ERAP1: variants seen among roughly 807,000 people sequenced by gnomAD.
ERAP1 encodes adipocyte-derived leucine aminopeptidase.
ERAP1 carries 86 observed loss-of-function variants against 103.7 expected under a neutral mutation model. That is an observed-to-expected ratio of 0.83 (90% CI 0.70 to 0.99). The LOEUF is 0.99. ERAP1 is among the 50% of genes least tolerant of loss of function. The pLI, the probability that ERAP1 is intolerant of heterozygous loss-of-function variation, is 0.00. For missense variants in ERAP1, 1,009 were observed against 1,128.4 expected (o/e 0.89, Z 1.52); for synonymous variants, 398 against 402.4 (o/e 0.99, Z 0.13).
rs778178735 is a variant in ERAP1 at position 96,783,904 on chromosome 5, C to A, written c.2100+20G>T. 1 of 1,587,380 alleles carries A rather than the reference C, an allele frequency of 6.3e-7. No individual in the cohort carries two copies. Among genetic ancestry groups the A allele is most frequent in the East Asian group, 2.3e-5 (1 of 43,970 alleles). On this transcript the variant is annotated intron_variant, in intron 14 of 18. Transcript: ENST00000443439. ...TTTAACACAAATAATAATTACATAA[C>A]TTTTATTTCAGGCTTTTACCTTGAA... is the stretch of plus-strand genomic sequence containing the variant.
chr5:96,820,966 AG>A, the ERAP1 span, among the ~76,000 whole-genome samples: 2 of 146,882 alleles, frequency 1.4e-5, no homozygotes, highest in African/African-American at 5.3e-5. Context: ...AAGAGGAAGA[AG>A]AGGAAGAGAG....
the ERAP1 span, among the ~76,000 whole-genome samples, chr5:96,813,286 T>C: frequency 1.3e-5 from 2 of 152,208 alleles, no homozygotes; most frequent in African/African-American, 4.8e-5. Context: ...ATAAACATTT[T>C]AAAATGCAAG....
the ERAP1 span, among the ~76,000 whole-genome samples, chr5:96,815,977 A>G: frequency 6.6e-6 from 1 of 152,226 alleles, no homozygotes; most frequent in Non-Finnish European, 1.5e-5. Context: ...CATGGCAAGT[A>G]TAAGCTACTT....
At chr5:96,781,007 A>C (rs1268587786) in intron 17 of ERAP1, 51 bp downstream of exon 17, 1 of 1,608,878 alleles carries the variant, frequency 6.2e-7, no homozygotes. Flanking sequence ...GCTAAAACAC[A>C]GTAAGGTTAT....
chr5:96,775,546 TTA>T lies in ERAP1; in HGVS notation c.*848_*849del, dbSNP rs1561655632. ...GGAAATAGATGACACTCACTCAGAA[TTA>T]TCTGAGGAGGGTTCTATAAAAAGAT... On this transcript the variant is annotated 3_prime_UTR_variant, in exon 19 of 19. Transcript: ENST00000443439. The T allele has an allele frequency of 2.0e-5, 17 of 855,092 alleles. No individual in the cohort carries two copies. In the South Asian group the frequency reaches 8.2e-4, roughly 41 times the overall value. 53.0% of individuals were successfully genotyped at this position (855,092 alleles called of 1,614,324 possible).
the ERAP1 span, chr5:96,886,631 G>T: frequency 6.7e-7 from 1 of 1,483,868 alleles, no homozygotes; most frequent in South Asian, 1.4e-5. Context: ...TTCAAGTACT[G>T]ATTATTCCTT....
At chr5:96,821,797 T>C in the ERAP1 span, among the ~76,000 whole-genome samples, 14 of 152,286 alleles carry the variant, frequency 9.2e-5, no homozygotes, top group African/African-American at 2.4e-4. Context: ...ATCCTCAATA[T>C]AAACTAGCTT....
intron 12 of ERAP1, 123 bp downstream of exon 12, chr5:96,786,347 A>G: frequency 2.8e-6 from 2 of 706,714 alleles, no homozygotes; most frequent in East Asian, 5.4e-5. Context: ...TTGAAACCAG[A>G]AAGCATTTTC....
At chr5:96,896,473 A>G in the ERAP1 span, 15 of 1,613,564 alleles carry the variant, frequency 9.3e-6, no homozygotes, top group African/African-American at 9.3e-5. Flanking sequence ...ACTCAAATAC[A>G]GGAAATGTTT....
the ERAP1 span, among the ~76,000 whole-genome samples, chr5:96,834,294 GC>G: frequency 6.6e-6 from 1 of 152,184 alleles, no homozygotes; most frequent in African/African-American, 2.4e-5. Context: ...TCTGCATTCA[GC>G]AGAAGGGGTC....
At chr5:96,911,740 C>T in the ERAP1 span, among the ~76,000 whole-genome samples, 6,279 of 151,566 alleles carry the variant, frequency 0.041, 256 homozygotes, top group East Asian at 0.13. Flanking sequence ...GGGCATGGTG[C>T]TATGTGCCTA....
chr5:96,902,720 A>G, the ERAP1 span: 1 of 175,762 alleles, frequency 5.7e-6, no homozygotes, highest in South Asian at 1.3e-4. Flanking sequence ...TCAAGTCCTC[A>G]CTCTCTCACT....
At chr5:96,870,395 C>G in the ERAP1 span, among the ~76,000 whole-genome samples, 4 of 152,178 alleles carry the variant, frequency 2.6e-5, no homozygotes, top group Admixed American at 6.5e-5. Flanking sequence ...CAGGTCCTGG[C>G]TAATATGAAT....
the ERAP1 span, among the ~76,000 whole-genome samples, chr5:96,893,979 A>G: frequency 1.3e-5 from 2 of 152,316 alleles, no homozygotes; most frequent in African/African-American, 4.8e-5. Context: ...GGCTCAGGAA[A>G]TGAACACTGT....
rs768075120 is a variant in ERAP1, at chr5:96,803,705, C to G, written c.222G>C (p.Leu74=). 1 of 1,614,074 alleles carries G rather than the reference C, an allele frequency of 6.2e-7. No individual in the cohort carries two copies. Among genetic ancestry groups the G allele is most frequent in the East Asian group, 2.2e-5 (1 of 44,900 alleles). The part of the protein sequence containing the change: ...DLLIHANLTT[L]TFWGTTKVEI... ...CTACTTTCGTGGTTCCCCAGAAGGT[C>G]AGCGTGGTAAGGTTTGCATGGATCA... The change falls in exon 2 of 19, where the codon CTG becomes CTC. Residue 74 remains leucine (L), a synonymous_variant. Transcript: ENST00000443439.
intron 10 of ERAP1, 135 bp downstream of exon 10, chr5:96,790,160 TA>T (rs1413319473): frequency 1.3e-6 from 1 of 778,550 alleles, no homozygotes; most frequent in East Asian, 2.7e-5. Context: ...GAGTATGGAA[TA>T]GTTTAAATGC....
At chr5:96,931,071 A>T in the ERAP1 span, among the ~76,000 whole-genome samples, 1 of 152,166 alleles carries the variant, frequency 6.6e-6, no homozygotes, top group Non-Finnish European at 1.5e-5. Context: ...AGAGGCAACA[A>T]GGCTGTAAAT....
the ERAP1 span, chr5:96,908,893 T>C: frequency 1.6e-4 from 235 of 1,462,496 alleles, 1 homozygote; most frequent in Middle Eastern, 5.4e-4. Flanking sequence ...TTCATATTTG[T>C]TTTAATGTTA....
chr5:96,784,234 C>T (rs1240291920), intron 13 of ERAP1, among the ~76,000 whole-genome samples, 154 bp from the exon 14 acceptor site: 1 of 152,208 alleles, frequency 6.6e-6, no homozygotes, highest in East Asian at 1.9e-4. Context: ...GTGGCTCATG[C>T]CTGTAATCCC....
Sources: allele counts gnomAD v4.1 joint callset (sites outside exome capture counted in the v4.1 genomes callset), GRCh38; gene constraint gnomAD v4.1.1; transcripts MANE v1.5; gene names NCBI Gene and HGNC (gene_info 2026-07-23, HGNC 2026-07-21).